The following MBOAT7 variants were observed in gnomAD, a reference collection of about 807,000 sequenced individuals.
MBOAT7 encodes membrane-bound acylglycerophosphatidylinositol O-acyltransferase MBOAT7.
A neutral mutation model predicts 47.4 loss-of-function variants in MBOAT7; 40 were observed. The observed-to-expected ratio is 0.84, with a 90% CI of 0.66 to 1.10. The LOEUF is 1.10. Among genes scored for constraint, MBOAT7 ranks in the 50% least tolerant of loss-of-function variants. MBOAT7 has a pLI of 0.00. For missense variants in MBOAT7, 680 were observed against 655.6 expected (o/e 1.04, Z -0.41); for synonymous variants, 361 against 292.0 (o/e 1.24, Z -2.41).
At chr19:54,175,282 C>A in intron 7 of MBOAT7, among the ~76,000 whole-genome samples, 1 of 152,294 alleles carries the variant, frequency 6.6e-6, no homozygotes, top group East Asian at 1.9e-4. Flanking sequence ...CCGGGCAGCC[C>A]GGTGGTTCTT....
chr19:54,175,731 G>T (rs1367495760), intron 7 of MBOAT7, among the ~76,000 whole-genome samples: 1 of 151,970 alleles, frequency 6.6e-6, no homozygotes, highest in Non-Finnish European at 1.5e-5. Flanking sequence ...TGTATTTTTT[G>T]TTGTTGTTGT....
At chr19:54,175,124 T>C (rs57171876) in intron 7 of MBOAT7, among the ~76,000 whole-genome samples, 127,280 of 151,840 alleles carry the variant, frequency 0.84, 53,561 homozygotes, top group East Asian at 0.98. Context: ...TACAGGCGCC[T>C]GCCACCACGC....
At chr19:54,188,014 T>TAAGAAA (rs1449446333) in intron 3 of MBOAT7, among the ~76,000 whole-genome samples, 1 of 82,394 alleles carries the variant, frequency 1.2e-5, no homozygotes, top group African/African-American at 7.2e-5. Flanking sequence ...AAACTCCATC[T>TAAGAAA]CAGAAAGAAA....
At chr19:54,175,237 C>T (rs1247192422) in intron 7 of MBOAT7, among the ~76,000 whole-genome samples, 1 of 152,160 alleles carries the variant, frequency 6.6e-6, no homozygotes, top group Non-Finnish European at 1.5e-5. Flanking sequence ...CTTGGCCTCC[C>T]AAAGTGCTGG....
At chr19:54,175,347 A>G (rs1482789405) in intron 7 of MBOAT7, among the ~76,000 whole-genome samples, 1 of 152,116 alleles carries the variant, frequency 6.6e-6, no homozygotes, top group Non-Finnish European at 1.5e-5. Flanking sequence ...TGAGACATAC[A>G]AATCCTTGTC....
At chr19:54,188,377 A>G (rs1419357917) in intron 2 of MBOAT7, 31 bp from the exon 3 acceptor site, 1 of 1,605,894 alleles carries the variant, frequency 6.2e-7, no homozygotes, top group Non-Finnish European at 8.5e-7. Flanking sequence ...ATAAGCCTGG[A>G]ACCTTCCAGA....
chr19:54,180,900 T>A lies in MBOAT7; in HGVS notation c.727A>T (p.Met243Leu), dbSNP rs1404329464. 1.9e-6 allele frequency: 3 copies of A among 1,597,648 alleles called. No individual in the cohort carries two copies. Among genetic ancestry groups the A allele is most frequent in the Non-Finnish European group, 2.6e-6 (3 of 1,174,040 alleles). The change falls in exon 6 of 8, where the codon ATG becomes TTG. Residue 243 changes from methionine to leucine, a missense_variant. Coordinates refer to ENST00000245615, the MANE Select transcript of MBOAT7 (RefSeq NM_024298.5). This position sits in a 1 kb window ranked among gnomAD's most constrained non-coding sequence, Gnocchi z 5.2. ...YMIPVFFAFR[M>L]RFYVAWIAAE... The stretch of plus-strand genomic sequence containing the variant: ...GCAATCCAGGCCACGTAGAAGCGCA[T>A]GCGGAAGGCGAAGAAGACGGGGATC...
At position 54,186,047 on chromosome 19, in the gene MBOAT7, C is replaced by T. The variant is rs146789300; in HGVS notation, c.333+1114G>A. Among the ~76,000 whole-genome samples, 567 of 146,120 alleles carry T rather than the reference C, an allele frequency of 3.9e-3. 1 individual carries two copies. Among genetic ancestry groups the T allele is most frequent in the African/African-American group, 0.013 (528 of 39,366 alleles). ...TTTATTTTTGAGATGGAGTTTTGCT[C>T]TTGTTGCCCAGGCTGGAGTGCAATG... On this transcript the variant is annotated intron_variant, in intron 4 of 7. Coordinates refer to ENST00000245615, the MANE Select transcript of MBOAT7 (RefSeq NM_024298.5).
At chr19:54,187,358 C>A (rs1441770730) in intron 3 of MBOAT7, 71 bp from the exon 4 acceptor site, 5 of 1,486,642 alleles carry the variant, frequency 3.4e-6, no homozygotes, top group Non-Finnish European at 4.5e-6. Context: ...TCCACGAGTC[C>A]AGCCACCAAT....
chr19:54,179,137 T>G, intron 6 of MBOAT7, 196 bp from the exon 7 acceptor site: 1 of 666,892 alleles, frequency 1.5e-6, no homozygotes, highest in Non-Finnish European at 2.5e-6. Context: ...GTGGGTGGGC[T>G]GGGTGGTACA....
Position 54,183,553 on chromosome 19 carries a change from CTGAG to C in MBOAT7, c.457_460del (p.Leu153AlafsTer10). 1.2e-6 allele frequency: 2 copies of C among 1,608,338 alleles called. No individual in the cohort carries two copies. Among genetic ancestry groups the C allele is most frequent in the Non-Finnish European group, 1.7e-6 (2 of 1,177,638 alleles). On this transcript the variant is annotated frameshift_variant, in exon 5 of 8. Coordinates refer to ENST00000245615, the MANE Select transcript of MBOAT7 (RefSeq NM_024298.5). LOFTEE classifies it high-confidence loss of function. Reference sequence around the variant, plus strand: ...GATTCCCACGTAGCAGTAGCTGTAGCTGAGTGTCTCCATCAGGGAGGGCACGTCG... The same window carrying C: ...GATTCCCACGTAGCAGTAGCTGTAGCTGTCTCCATCAGGGAGGGCACGTCG...
chr19:54,174,275 G>T lies in MBOAT7; in HGVS notation c.1188C>A (p.Asp396Glu). 1 of 1,612,664 alleles carries T rather than the reference G, an allele frequency of 6.2e-7. No individual in the cohort carries two copies. The change falls in exon 8 of 8, where the codon GAC becomes GAA. Residue 396 changes from aspartate (D) to glutamate (E), a missense_variant. Transcript: ENST00000245615. Reference sequence around the variant, plus strand: ...GCATCTTCAGGAACCAGTGCACCCAGTCCCAGGCCTTCTGGCCCCCTGGGC... The same window carrying T: ...GCATCTTCAGGAACCAGTGCACCCATTCCCAGGCCTTCTGGCCCCCTGGGC... The part of the protein sequence containing the change: ...RLSPGGQKAW[D>E]WVHWFLKMRA...
Position 54,182,996 on chromosome 19 carries a change from C to A in MBOAT7, c.493+525G>T, listed in dbSNP as rs58510820. ...GATTACAGGCGTGAGCCACTGCGCC[C>A]GGCCCTTTAATTTTATATTTATTTA... On this transcript the variant is annotated intron_variant, in intron 5 of 7. Transcript: ENST00000245615. Among the ~76,000 whole-genome samples, 344 of 57,888 alleles carry A rather than the reference C, an allele frequency of 5.9e-3. 1 individual carries two copies. The highest frequency in any genetic ancestry group is 0.016 in the Middle Eastern group (2 of 122). The allele number at this position is 57,888 out of a possible 152,430, so 38.0% of individuals were successfully genotyped here.
At chr19:54,178,468 C>A in intron 7 of MBOAT7, 1 of 1,327,276 alleles carries the variant, frequency 7.5e-7, no homozygotes, top group South Asian at 2.2e-5. Context: ...TTCTCCATAA[C>A]CTGGACGGCC....
chr19:54,174,535 A>G, intron 7 of MBOAT7, 104 bp from the exon 8 acceptor site: 1 of 1,225,726 alleles, frequency 8.2e-7, no homozygotes, highest in Non-Finnish European at 1.1e-6. Flanking sequence ...CCTCAGACCG[A>G]GAAGTGCAGG....
intron 4 of MBOAT7, 28 bp from the exon 5 acceptor site, chr19:54,183,708 C>A (rs761399077): frequency 4.5e-5 from 68 of 1,518,344 alleles, no homozygotes; most frequent in Non-Finnish European, 5.7e-5. Flanking sequence ...GGCAAGGGGC[C>A]AGGTCAGACT....
chr19:54,186,716 T>A (rs2076436893), intron 4 of MBOAT7, among the ~76,000 whole-genome samples: 1 of 152,184 alleles, frequency 6.6e-6, no homozygotes, highest in Non-Finnish European at 1.5e-5. Flanking sequence ...TCTGTGGGTC[T>A]GGGGTGGGCC....
intron 7 of MBOAT7, among the ~76,000 whole-genome samples, chr19:54,177,236 C>T (rs1269116821): frequency 6.6e-6 from 1 of 151,726 alleles, no homozygotes; most frequent in Non-Finnish European, 1.5e-5. Flanking sequence ...CTTCCCCTTC[C>T]ACATTTATCT....
Position 54,181,043 on chromosome 19 carries a change from G to A in MBOAT7, c.584C>T (p.Ala195Val). 1.9e-6 allele frequency: 3 copies of A among 1,547,378 alleles called. No homozygotes were observed. The highest frequency in any genetic ancestry group is 2.6e-6 in the Non-Finnish European group (3 of 1,146,148). The change falls in exon 6 of 8, where the codon GCC (alanine) becomes GTC (valine). Residue 195 changes from alanine (A) to valine (V), a missense_variant. Ala to Val is a moderately conservative substitution (Grantham distance 64, BLOSUM62 0). Transcript: ENST00000245615. Reference sequence around the variant, plus strand: ...CAGGCCGAAGAGCGGGGCCGGCCAGGCGCGGCGCAGCAGGGGCCGCAGGCT... The same window carrying A: ...CAGGCCGAAGAGCGGGGCCGGCCAGACGCGGCGCAGCAGGGGCCGCAGGCT... Reference protein sequence around the residue: ...VPSLRPLLRRAWPAPLFGLLF... With the variant: ...VPSLRPLLRRVWPAPLFGLLF...
Sources: gnomAD v4.1 joint callset for allele counts (sites outside exome capture counted in the v4.1 genomes callset) on GRCh38, gnomAD v4.1.1 for gene constraint, Gnocchi (gnomAD v3.1) non-coding constraint, MANE v1.5 for transcripts, NCBI Gene and HGNC (gene_info 2026-07-23, HGNC 2026-07-21) for gene names.